KRT78: variants seen among roughly 807,000 people sequenced by gnomAD.
KRT78 encodes the protein keratin 78, also known as keratin, type II cytoskeletal 78.
In KRT78, 55 loss-of-function variants were observed where a neutral mutation model predicts 51.4. The observed-to-expected ratio is 1.07, with a 90% CI of 0.86 to 1.34. The LOEUF (loss-of-function observed/expected upper bound fraction) is 1.34, where lower values mean the gene tolerates loss of function less well. Among genes scored for constraint, KRT78 ranks in the 40% most tolerant of loss-of-function variants. KRT78 has a pLI of 0.00. For synonymous variants in KRT78, 291 were observed against 264.3 expected (o/e 1.10, Z -0.98); for missense variants, 652 against 649.4 (o/e 1.00, Z -0.04).
Position 52,848,057 on chromosome 12 carries a change from C to G in KRT78, c.449G>C (p.Gly150Ala). ...ETKWHLLQQQ[G>A]LSGSQQGLEP... is the part of the protein sequence containing the mutation. ...CAGGCCCTGCTGGCTGCCACTCAAC[C>G]CCTGTTGCTGCAGCAGATGCCACTT... Residue 150 changes from glycine to alanine, a missense_variant, in exon 2 of 9, where the codon GGG (glycine) becomes GCG (alanine). Coordinates refer to ENST00000304620, the MANE Select transcript of KRT78 (RefSeq NM_173352.4). The G allele has an allele frequency of 6.2e-7, 1 of 1,614,186 alleles. No individual in the cohort carries two copies. The highest frequency in any genetic ancestry group is 8.5e-7 in the Non-Finnish European group (1 of 1,180,034).
intron 6 of KRT78, among the ~76,000 whole-genome samples, chr12:52,840,869 C>T (rs1008405012): frequency 6.6e-6 from 1 of 152,332 alleles, no homozygotes; most frequent in East Asian, 1.9e-4. Flanking sequence ...TGACTTCAGA[C>T]TTCAAGGCTC....
chr12:52,847,968 G>C lies in KRT78; in HGVS notation c.538C>G (p.Arg180Gly). ...RKQLEQLQGE[R>G]GALDAELKAC... ...TTCAACTCAGCATCCAGAGCCCCTC[G>C]TTCTCCCTGGAGCTGCTCCAGCTGC... Residue 180 changes from arginine (R) to glycine (G), a missense_variant, in exon 2 of 9, where the codon CGA (arginine) becomes GGA (glycine). By Grantham distance (125) the Arg-to-Gly change is moderately radical. Transcript: ENST00000304620. 6.2e-7 allele frequency: 1 copy of C among 1,614,132 alleles called. No individual in the cohort carries two copies. The highest frequency in any genetic ancestry group is 1.3e-5 in the African/African-American group (1 of 75,016).
chr12:52,841,100 G>A (rs561285294), intron 6 of KRT78, among the ~76,000 whole-genome samples: 8 of 152,182 alleles, frequency 5.3e-5, no homozygotes, highest in African/African-American at 1.9e-4. Context: ...GGGTCACAAT[G>A]GTTCTCATTT....
intron 3 of KRT78, among the ~76,000 whole-genome samples, 161 bp downstream of exon 3, chr12:52,846,602 CT>C (rs201439878): frequency 0.042 from 6,371 of 152,260 alleles, 249 homozygotes; most frequent in East Asian, 0.13. Context: ...CTTGGGGCCC[CT>C]GTGTCTAGGC....
rs112229864 is a variant in KRT78 at position 52,848,250 on chromosome 12, G to A, written c.385-129C>T. ...CTGTCCCCCTGCCCAACCTGGGCAGGGGAAGCCTCATGACCTTCCATGACA... is the reference window on the plus strand; with the variant it reads ...CTGTCCCCCTGCCCAACCTGGGCAGAGGAAGCCTCATGACCTTCCATGACA... On this transcript the variant is annotated intron_variant, in intron 1 of 8. Coordinates refer to ENST00000304620, the MANE Select transcript of KRT78 (RefSeq NM_173352.4). 6 of 1,542,374 alleles carry A rather than the reference G, an allele frequency of 3.9e-6. No individual in the cohort carries two copies. The African/African-American group carries it at 6.8e-5, about 18-fold the overall frequency.
In KRT78 at chr12:52,843,950, A is replaced by G. The variant is rs974954251; in HGVS notation, c.1047+143T>C. ...GGGGCTTGAAGTTCTCTTCTCCCCA[A>G]ATTATCCAAAGCTCCAGCCAGTTAT... On this transcript the variant is annotated intron_variant, in intron 6 of 8. Coordinates refer to ENST00000304620, the MANE Select transcript of KRT78 (RefSeq NM_173352.4). The G allele has an allele frequency of 5.0e-6, 5 of 1,008,004 alleles. No homozygotes were observed. In the Admixed American group the frequency reaches 9.4e-5, roughly 19 times the overall value. The allele number at this position is 1,008,004 out of a possible 1,614,324, so 62.4% of individuals were successfully genotyped here.
chr12:52,844,881 C>G (rs1427030637), intron 4 of KRT78, among the ~76,000 whole-genome samples, 158 bp from the exon 5 acceptor site: 1 of 152,126 alleles, frequency 6.6e-6, no homozygotes, highest in Non-Finnish European at 1.5e-5. Context: ...GGGACTCGAT[C>G]TCCTCATTCA....
chr12:52,844,772 C>T (rs1373230692), intron 4 of KRT78, 49 bp from the exon 5 acceptor site: 2 of 1,536,436 alleles, frequency 1.3e-6, no homozygotes, highest in Non-Finnish European at 8.8e-7. Context: ...CTCCTTCTCC[C>T]CTTGAAGCCT....
In KRT78 at chr12:52,847,794, C is replaced by A. The variant is rs963669872; in HGVS notation, c.599+113G>T. 7.0e-6 allele frequency: 6 copies of A among 862,268 alleles called. No individual in the cohort carries two copies. The African/African-American group carries it at 9.9e-5, about 14-fold the overall frequency. The allele number at this position is 862,268 out of a possible 1,614,324, so 53.4% of individuals were successfully genotyped here. On this transcript the variant is annotated intron_variant, in intron 2 of 8. Coordinates refer to ENST00000304620, the MANE Select transcript of KRT78 (RefSeq NM_173352.4). ...GGGACGCGGAGGGGTAGAGGGGAGG[C>A]CAGTCATGTGCCTCTGGGTGCTCAG...
intron 4 of KRT78, 128 bp downstream of exon 4, chr12:52,846,069 A>G: frequency 1.6e-6 from 1 of 635,208 alleles, no homozygotes; most frequent in East Asian, 2.7e-5. Context: ...TTGTCAAGTG[A>G]CTGAATGACC....
At position 52,839,467 on chromosome 12, in the gene KRT78, C is replaced by A; in HGVS notation, c.1289G>T (p.Ser430Ile). Residue 430 changes from serine (S) to isoleucine (I), a missense_variant, in exon 8 of 9, where the codon AGC (serine) becomes ATC (isoleucine). Coordinates refer to ENST00000304620, the MANE Select transcript of KRT78 (RefSeq NM_173352.4). ...CTGATACTCACAGATAGTGACCTGG[C>A]TGGTGCACTCCCCAGACATCCTAGG... ...EECRMSGECT[S>I]QVTISSVGGS... The A allele has an allele frequency of 6.2e-7, 1 of 1,604,732 alleles. No individual in the cohort carries two copies. The highest frequency in any genetic ancestry group is 8.5e-7 in the Non-Finnish European group (1 of 1,175,706).
chr12:52,844,357 T>G, intron 5 of KRT78, 139 bp from the exon 6 acceptor site: 2 of 1,206,246 alleles, frequency 1.7e-6, no homozygotes, highest in Non-Finnish European at 2.3e-6. Flanking sequence ...TGGGATATAC[T>G]TCCAGAAGTC....
Position 52,848,062 on chromosome 12 carries a change from T to C in KRT78, c.444A>G (p.Gln148=). The C allele has an allele frequency of 1.9e-6, 3 of 1,614,176 alleles. No homozygotes were observed. The highest frequency in any genetic ancestry group is 2.5e-6 in the Non-Finnish European group (3 of 1,180,028). Reference sequence around the variant, plus strand: ...CCTGCTGGCTGCCACTCAACCCCTGTTGCTGCAGCAGATGCCACTTCGTCT... The same window carrying C: ...CCTGCTGGCTGCCACTCAACCCCTGCTGCTGCAGCAGATGCCACTTCGTCT... The part of the protein sequence containing the change: ...VLETKWHLLQ[Q]QGLSGSQQGL... The change falls in exon 2 of 9, where the codon CAA becomes CAG. Residue 148 remains glutamine, a synonymous_variant. Coordinates refer to ENST00000304620, the MANE Select transcript of KRT78 (RefSeq NM_173352.4).
At chr12:52,843,554 G>A (rs563556505) in intron 6 of KRT78, among the ~76,000 whole-genome samples, 6 of 148,652 alleles carry the variant, frequency 4.0e-5, no homozygotes, top group Admixed American at 3.4e-4. Context: ...GCCAAGCATG[G>A]TGGCACATGC....
rs927998716 is a variant in KRT78 at position 52,848,608 on chromosome 12, C to T, written c.323G>A (p.Arg108Gln). The T allele has an allele frequency of 4.3e-6, 7 of 1,613,920 alleles. No individual in the cohort carries two copies. The highest frequency in any genetic ancestry group is 1.3e-5 in the African/African-American group (1 of 74,876). Residue 108 changes from arginine (R) to glutamine (Q), a missense_variant, in exon 1 of 9, where the codon CGG becomes CAG. Physicochemically the swap from Arg to Gln is conservative, Grantham distance 43. Transcript: ENST00000304620. ...TCTGATCTCCTGGGTCTCCTGCGTCCGCACCACCTGGAACTGGGGATCGAT... is the reference window on the plus strand; with the variant it reads ...TCTGATCTCCTGGGTCTCCTGCGTCTGCACCACCTGGAACTGGGGATCGAT... The part of the protein sequence containing the change: ...IEIDPQFQVV[R>Q]TQETQEIRTL...
Position 52,839,184 on chromosome 12 carries a change from C to G in KRT78, c.1492G>C (p.Ala498Pro). 1 of 1,612,866 alleles carries G rather than the reference C, an allele frequency of 6.2e-7. No individual in the cohort carries two copies. Among genetic ancestry groups the G allele is most frequent in the Non-Finnish European group, 8.5e-7 (1 of 1,179,766 alleles). ...LDSCSVSGSS[A>P]GSSCHTILKK... ...AGGATGGTGTGGCAGCTGGAGCCAGCGCTGGAGCCAGACACAGAGCAGGAA... is the reference window on the plus strand; with the variant it reads ...AGGATGGTGTGGCAGCTGGAGCCAGGGCTGGAGCCAGACACAGAGCAGGAA... The change falls in exon 9 of 9, where the codon GCT becomes CCT. Residue 498 changes from alanine to proline, a missense_variant. Ala to Pro is a conservative substitution (Grantham distance 27). Transcript: ENST00000304620.
At chr12:52,839,404 T>C (rs747103059) in intron 8 of KRT78, 32 bp from the exon 9 acceptor site, 2 of 1,611,676 alleles carry the variant, frequency 1.2e-6, no homozygotes, top group Non-Finnish European at 1.7e-6. Flanking sequence ...CAGAGCAGGG[T>C]CATCAGCTCC....
chr12:52,844,149 G>A lies in KRT78; in HGVS notation c.991C>T (p.Gln331Ter). 6.2e-7 allele frequency: 1 copy of A among 1,612,062 alleles called. No individual in the cohort carries two copies. The highest frequency in any genetic ancestry group is 8.5e-7 in the Non-Finnish European group (1 of 1,179,392). The change falls in exon 6 of 9, where the codon CAG (glutamine) becomes TAG (stop). Residue 331 changes from glutamine (Q) to a stop codon, truncating the protein, a stop_gained. Coordinates refer to ENST00000304620, the MANE Select transcript of KRT78 (RefSeq NM_173352.4). LOFTEE classifies it high-confidence loss of function. The stretch of plus-strand genomic sequence containing the variant: ...AGCCTCTGAATCTCTTGGTGTAGCT[G>A]AGAGATCTGGACTTTCGTTTCCTGC... The part of the protein sequence containing the change: ...RMQETKVQIS[Q>*]LHQEIQRLQS...
chr12:52,839,356 G>A lies in KRT78; in HGVS notation c.1320C>T (p.Ser440=), dbSNP rs776350065. The change falls in exon 9 of 9, where the codon AGC becomes AGT. Residue 440 remains serine, a synonymous_variant. Transcript: ENST00000304620. The stretch of plus-strand genomic sequence containing the variant: ...CACCAACTCCTCCAGACATGACAGC[G>A]CTGCCTCCCACCGAGGCTGCCAAGA... ...SQVTISSVGG[S]AVMSGGVGGG... is the part of the protein sequence containing the mutation. The A allele has an allele frequency of 1.1e-5, 17 of 1,613,640 alleles. No homozygotes were observed. Among genetic ancestry groups the A allele is most frequent in the Non-Finnish European group, 1.4e-5 (17 of 1,179,888 alleles).
Sources: gnomAD v4.1 joint callset for allele counts (sites outside exome capture counted in the v4.1 genomes callset) on GRCh38, gnomAD v4.1.1 for gene constraint, MANE v1.5 for transcripts, NCBI Gene and HGNC (gene_info 2026-07-23, HGNC 2026-07-21) for gene names.